The following COL4A3 variants were observed in gnomAD, a reference collection of about 807,000 sequenced individuals.
COL4A3 encodes collagen type IV alpha 3 chain.
In COL4A3, 135 loss-of-function variants were observed where a neutral mutation model predicts 217.4. That is an observed-to-expected ratio of 0.62 (90% confidence interval 0.54 to 0.72). The LOEUF (loss-of-function observed/expected upper bound fraction) is 0.72, where lower values mean the gene tolerates loss of function less well. Among genes scored for constraint, COL4A3 ranks in the 30% least tolerant of loss-of-function variants. The pLI is 0.00. For synonymous variants in COL4A3, 690 were observed against 736.3 expected (o/e 0.94, Z 1.02); for missense variants, 1,868 against 2,119.9 (o/e 0.88, Z 2.33).
In COL4A3 at chr2:227,191,510, C is replaced by T. The variant is rs2066239388; in HGVS notation, c.87+26697C>T. Among the ~76,000 whole-genome samples, 3 of 152,160 alleles carry T rather than the reference C, an allele frequency of 2.0e-5. No homozygotes were observed. In the South Asian group the frequency reaches 6.2e-4, roughly 32 times the overall value. ...CCATCCACGGTGCATTTGTGGAGCT[C>T]CCCTGTTGGCCATTCCCCGCATCAA... On this transcript the variant is annotated intron_variant, in intron 1 of 51. Transcript: ENST00000396578. The surrounding 1 kb of genome is among the most constrained non-coding windows in gnomAD (Gnocchi z 6.8).
intron 1 of COL4A3, among the ~76,000 whole-genome samples, chr2:227,229,630 G>A (rs72977864): frequency 0.32 from 48,730 of 152,046 alleles, 8,244 homozygotes; most frequent in Non-Finnish European, 0.36. Context: ...GAGTCCCCCA[G>A]TGACTGAGTC....
chr2:227,248,485 G>C lies in COL4A3; in HGVS notation c.511G>C (p.Gly171Arg), dbSNP rs1172581939. The C allele has an allele frequency of 6.2e-7, 1 of 1,613,440 alleles. No homozygotes were observed. Among genetic ancestry groups the C allele is most frequent in the Admixed American group, 1.7e-5 (1 of 59,990 alleles). ...AGAAGATATAGAACTTGATGCAAAA[G>C]GCGACCCCGGGTTGCCAGGGGCTCC... ...KEEDIELDAK[G>R]DPGLPGAPGP... The change falls in exon 9 of 52, where the codon GGC becomes CGC. Residue 171 changes from glycine to arginine, a missense_variant. Around this residue, in one of 2 missense-constraint regions of COL4A3, gnomAD observed 365 missense variants for 333.8 expected, o/e 1.09. Coordinates refer to ENST00000396578, the MANE Select transcript of COL4A3 (RefSeq NM_000091.5).
chr2:227,230,813 C>T (rs894642042), intron 1 of COL4A3, among the ~76,000 whole-genome samples: 2 of 152,170 alleles, frequency 1.3e-5, no homozygotes, highest in Non-Finnish European at 2.9e-5. Context: ...TATTCAAGTG[C>T]CCCTGTGCTG....
intron 48 of COL4A3, among the ~76,000 whole-genome samples, 178 bp downstream of exon 48, chr2:227,308,097 G>T (rs1382440877): frequency 6.6e-6 from 1 of 152,170 alleles, no homozygotes; most frequent in African/African-American, 2.4e-5. Flanking sequence ...AATGTAAAAT[G>T]GTGGAAGGAG....
chr2:227,233,702 A>C (rs2068533032), intron 1 of COL4A3, among the ~76,000 whole-genome samples: 2 of 152,226 alleles, frequency 1.3e-5, no homozygotes, highest in African/African-American at 4.8e-5. Context: ...AAGAACTGTG[A>C]TTTTGATGAC....
intron 2 of COL4A3, among the ~76,000 whole-genome samples, chr2:227,238,326 C>T (rs1390046328): frequency 6.6e-6 from 1 of 152,134 alleles, no homozygotes; most frequent in East Asian, 1.9e-4. Context: ...CATATGTATA[C>T]ACTATTTACA....
chr2:227,199,234 T>C (rs974969232), intron 1 of COL4A3, among the ~76,000 whole-genome samples: 2 of 152,196 alleles, frequency 1.3e-5, no homozygotes, highest in Non-Finnish European at 2.9e-5. Context: ...AGGATTTACC[T>C]GTGTAATTGC....
chr2:227,302,254 A>G (rs1021250650), intron 43 of COL4A3, among the ~76,000 whole-genome samples: 1 of 152,132 alleles, frequency 6.6e-6, no homozygotes, highest in African/African-American at 2.4e-5. Context: ...CCATCCCTAG[A>G]CATTACTTCT....
At chr2:227,280,626 G>T in intron 30 of COL4A3, 36 bp downstream of exon 30, 2 of 1,610,974 alleles carry the variant, frequency 1.2e-6, no homozygotes, top group South Asian at 2.2e-5. Flanking sequence ...TCTCCACTGT[G>T]AGCTCTGCTA....
Position 227,259,889 on chromosome 2 carries a change from T to C in COL4A3, c.1114+12T>C, listed in dbSNP as rs1486764315. 6.3e-7 allele frequency: 1 copy of C among 1,599,838 alleles called. No individual in the cohort carries two copies. The highest frequency in any genetic ancestry group is 1.3e-5 in the African/African-American group (1 of 74,816). On this transcript the variant is annotated intron_variant, in intron 19 of 51. Transcript: ENST00000396578. Reference sequence around the variant, plus strand: ...TCGTGGCCCACAAGGTAAGAATAAATTTCTTCCTAAAGCATTTGCTGAACA... The same window carrying C: ...TCGTGGCCCACAAGGTAAGAATAAACTTCTTCCTAAAGCATTTGCTGAACA...
At chr2:227,240,733 T>C (rs1319481373) in intron 3 of COL4A3, among the ~76,000 whole-genome samples, 1 of 152,230 alleles carries the variant, frequency 6.6e-6, no homozygotes, top group East Asian at 1.9e-4. Context: ...GACCAAAGGA[T>C]TGCTATCTTC....
intron 48 of COL4A3, among the ~76,000 whole-genome samples, chr2:227,308,396 T>C (rs963826633): frequency 2.0e-5 from 3 of 152,136 alleles, no homozygotes; most frequent in African/African-American, 7.2e-5. Flanking sequence ...TGATTTTCAG[T>C]AGAGATGAGG....
intron 22 of COL4A3, 69 bp downstream of exon 22, chr2:227,266,578 C>T: frequency 8.1e-7 from 1 of 1,233,332 alleles, no homozygotes; most frequent in Non-Finnish European, 1.2e-6. Flanking sequence ...CTGATTTTTC[C>T]CCCTGAGATA....
Position 227,282,959 on chromosome 2 carries a change from C to T in COL4A3, c.2656+427C>T, listed in dbSNP as rs1423640874. 1.3e-5 allele frequency among the ~76,000 whole-genome samples: 2 copies of T among 152,276 alleles called. No individual in the cohort carries two copies. The highest frequency in any genetic ancestry group is 6.8e-3 in the Middle Eastern group (2 of 294). Reference sequence around the variant, plus strand: ...TTGTGAAGAATCGACGCTCTTTAAACATTTGGTAGAATTCACCAGTGAAGT... The same window carrying T: ...TTGTGAAGAATCGACGCTCTTTAAATATTTGGTAGAATTCACCAGTGAAGT... On this transcript the variant is annotated intron_variant, in intron 32 of 51. Coordinates refer to ENST00000396578, the MANE Select transcript of COL4A3 (RefSeq NM_000091.5). This position sits in a 1 kb window ranked among gnomAD's most constrained non-coding sequence, Gnocchi z 4.4.
intron 34 of COL4A3, 72 bp downstream of exon 34, chr2:227,284,417 C>T (rs1049855167): frequency 1.4e-5 from 22 of 1,535,706 alleles, no homozygotes; most frequent in African/African-American, 1.4e-5. Flanking sequence ...CAGGCAAATC[C>T]GTTTGGTTGA....
intron 1 of COL4A3, among the ~76,000 whole-genome samples, chr2:227,225,667 C>A (rs1574618695): frequency 6.8e-6 from 1 of 147,254 alleles, no homozygotes; most frequent in Non-Finnish European, 1.5e-5. Flanking sequence ...AAAATGGGAG[C>A]TTTTTATCAA....
rs1395903328 is a variant in COL4A3 at position 227,304,079 on chromosome 2, C to A, written c.4088C>A (p.Pro1363His). ...TCCCTTCCAGGAAGCCCAGGGCCAC[C>A]TGGCACACCTGGAGAACCAGGGATG... The part of the protein sequence containing the change: ...IISLPGSPGP[P>H]GTPGEPGMQG... Residue 1363 changes from proline to histidine, a missense_variant, in exon 46 of 52, where the codon CCT becomes CAT. Physicochemically the swap from Pro to His is moderately conservative, Grantham distance 77. Around this residue, in one of 2 missense-constraint regions of COL4A3, gnomAD observed 1,503 missense variants for 1,786.1 expected, o/e 0.84. Coordinates refer to ENST00000396578, the MANE Select transcript of COL4A3 (RefSeq NM_000091.5). 3 of 1,614,068 alleles carry A rather than the reference C, an allele frequency of 1.9e-6. No individual in the cohort carries two copies. The highest frequency in any genetic ancestry group is 1.3e-5 in the African/African-American group (1 of 74,934).
In COL4A3 at chr2:227,273,226, C is replaced by T. The variant is rs1427858566; in HGVS notation, c.1927+109C>T. 56 of 1,177,366 alleles carry T rather than the reference C, an allele frequency of 4.8e-5. 1 individual carries two copies. Among genetic ancestry groups the T allele is most frequent in the Non-Finnish European group, 6.4e-5 (51 of 799,676 alleles). The allele number at this position is 1,177,366 out of a possible 1,614,324, so 72.9% of individuals were successfully genotyped here. ...GGAAAATATAGAAACTTGCTTCTAA[C>T]GAATAGAATATGTCAACTCACAGAT... is the stretch of plus-strand genomic sequence containing the variant. On this transcript the variant is annotated intron_variant, in intron 26 of 51. Transcript: ENST00000396578.
chr2:227,254,211 T>G (rs1261969418), intron 14 of COL4A3, 37 bp downstream of exon 14: 20 of 1,558,476 alleles, frequency 1.3e-5, no homozygotes, highest in Non-Finnish European at 1.6e-5. Flanking sequence ...CCATAACACA[T>G]AAAGTAGAGC....
Sources: gnomAD v4.1 joint callset for allele counts (sites outside exome capture counted in the v4.1 genomes callset) on GRCh38, gnomAD v4.1.1 for gene constraint, gnomAD v4.1.1 regional missense constraint, Gnocchi (gnomAD v3.1) non-coding constraint, MANE v1.5 for transcripts, NCBI Gene and HGNC (gene_info 2026-07-23, HGNC 2026-07-21) for gene names.